IMMT: variants seen among roughly 807,000 people sequenced by gnomAD.
IMMT encodes the protein inner membrane mitochondrial protein, also known as MICOS complex subunit MIC60.
Under a neutral mutation model 92.7 loss-of-function variants are expected in IMMT, and 40 were observed. That is an observed-to-expected ratio of 0.43 (90% CI 0.34 to 0.56). IMMT has a LOEUF of 0.56. Among genes scored for constraint, IMMT ranks in the 20% least tolerant of loss-of-function variants. The pLI is 0.03. For synonymous variants in IMMT, 322 were observed against 336.1 expected (o/e 0.96, Z 0.46); for missense variants, 831 against 912.1 (o/e 0.91, Z 1.14).
intron 7 of IMMT, among the ~76,000 whole-genome samples, chr2:86,165,782 G>A (rs1313324887): frequency 6.6e-6 from 1 of 151,982 alleles, no homozygotes; most frequent in Non-Finnish European, 1.5e-5. Flanking sequence ...AAAATAGCAG[G>A]TGTTTCAGGG....
At position 86,158,730 on chromosome 2, in the gene IMMT, A is replaced by G; in HGVS notation, c.1033-9T>C. ...GACTGAGCTGCTTGGACCTGAGCAA[A>G]TACACAGGGTATGTGATTAAATTGA... On this transcript the variant is annotated splice_polypyrimidine_tract_variant and intron_variant, in intron 9 of 14. Transcript: ENST00000410111. The G allele has an allele frequency of 6.3e-7, 1 of 1,595,710 alleles. No individual in the cohort carries two copies.
At chr2:86,192,657 G>C (rs1231870812) in intron 1 of IMMT, among the ~76,000 whole-genome samples, 3 of 152,142 alleles carry the variant, frequency 2.0e-5, no homozygotes, top group Non-Finnish European at 4.4e-5. Context: ...GGTAGTGCTA[G>C]GAGCTACAAA....
Position 86,166,550 on chromosome 2 carries a change from A to G in IMMT, c.750T>C (p.Asn250=). ...AAQNAAVQAV[N]AHSNILKAAM... ...CGGCTTTCAATATGTTGGAGTGTGC[A>G]TTGACAGCCTGGACCGCAGCATTCT... Residue 250 remains asparagine, a synonymous_variant, in exon 7 of 15, where the codon AAT becomes AAC. Coordinates refer to ENST00000410111, the MANE Select transcript of IMMT (RefSeq NM_006839.3). 1 of 1,613,244 alleles carries G rather than the reference A, an allele frequency of 6.2e-7. No individual in the cohort carries two copies.
chr2:86,192,194 C>CT (rs2105730015), intron 1 of IMMT, among the ~76,000 whole-genome samples: 1 of 152,262 alleles, frequency 6.6e-6, no homozygotes, highest in East Asian at 1.9e-4. Flanking sequence ...GATCACACTG[C>CT]TGTACTCCAG....
intron 6 of IMMT, among the ~76,000 whole-genome samples, chr2:86,168,409 G>C (rs1336851314): frequency 6.6e-6 from 1 of 152,132 alleles, no homozygotes; most frequent in Non-Finnish European, 1.5e-5. Context: ...TATCACCTGA[G>C]GTCAGGAGTT....
At chr2:86,156,663 A>G (rs573166455) in intron 10 of IMMT, among the ~76,000 whole-genome samples, 1 of 152,152 alleles carries the variant, frequency 6.6e-6, no homozygotes, top group African/African-American at 2.4e-5. Flanking sequence ...AAAGTTAAAA[A>G]CCTGAGAGCT....
intron 1 of IMMT, among the ~76,000 whole-genome samples, chr2:86,187,024 T>G (rs1672823797): frequency 6.6e-6 from 1 of 152,170 alleles, no homozygotes; most frequent in Non-Finnish European, 1.5e-5. Flanking sequence ...GCAGGTATTT[T>G]TTTTTTCCTC....
rs2104956877 is a variant in IMMT, at chr2:86,161,958, A to C, written c.896+18T>G. 1 of 1,545,238 alleles carries C rather than the reference A, an allele frequency of 6.5e-7. No homozygotes were observed. The highest frequency in any genetic ancestry group is 1.2e-5 in the South Asian group (1 of 85,196). ...ACCAGGAGGCCCTAATTACTTGTTAAAGTCCATGAGTAATTACTTGGCTTT... is the reference window on the plus strand; with the variant it reads ...ACCAGGAGGCCCTAATTACTTGTTACAGTCCATGAGTAATTACTTGGCTTT... On this transcript the variant is annotated intron_variant, in intron 8 of 14. Transcript: ENST00000410111.
intron 12 of IMMT, among the ~76,000 whole-genome samples, chr2:86,148,535 C>T (rs573278614): frequency 3.0e-4 from 46 of 152,196 alleles, no homozygotes; most frequent in Admixed American, 1.2e-3. Context: ...TGGCGTGAAC[C>T]GAGGAGGCAG....
intron 6 of IMMT, among the ~76,000 whole-genome samples, chr2:86,168,191 C>G (rs1375693610): frequency 1.3e-5 from 2 of 152,212 alleles, no homozygotes; most frequent in African/African-American, 4.8e-5. Context: ...GTTCAAGAGG[C>G]TTCCATCTAT....
intron 1 of IMMT, among the ~76,000 whole-genome samples, chr2:86,182,766 G>C (rs1401675314): frequency 2.2e-5 from 1 of 45,400 alleles, no homozygotes; most frequent in Non-Finnish European, 6.2e-5. Flanking sequence ...AATCACTTGA[G>C]CTTGAGCCCC....
At position 86,192,866 on chromosome 2, in the gene IMMT, C is replaced by A. The variant is rs144396492; in HGVS notation, c.45+2472G>T. On this transcript the variant is annotated intron_variant, in intron 1 of 14. Transcript: ENST00000410111. ...TGATGAAAAGGCAGTGAGGCACATG[C>A]TGGAGATTACCAGGAGAATCTGAGT... Among the ~76,000 whole-genome samples the A allele has an allele frequency of 8.6e-4, 130 of 151,990 alleles. 1 individual carries two copies. The highest frequency in any genetic ancestry group is 1.4e-3 in the Non-Finnish European group (97 of 67,972).
intron 10 of IMMT, among the ~76,000 whole-genome samples, chr2:86,155,212 T>C (rs1344830012): frequency 2.0e-5 from 3 of 152,120 alleles, no homozygotes; most frequent in African/African-American, 7.2e-5. Context: ...CAAAGACAGG[T>C]ATTTTTCATC....
chr2:86,166,569 G>C lies in IMMT; in HGVS notation c.731C>G (p.Ala244Gly). ...GTGTGCATTGACAGCCTGGACCGCA[G>C]CATTCTGAGCTGCAATAGCCTGCAG... ...VTLQAIAAQN[A>G]AVQAVNAHSN... The change falls in exon 7 of 15, where the codon GCT becomes GGT. Residue 244 changes from alanine (A) to glycine (G), a missense_variant. Transcript: ENST00000410111. 6.2e-7 allele frequency: 1 copy of C among 1,613,318 alleles called. No homozygotes were observed. The highest frequency in any genetic ancestry group is 1.1e-5 in the South Asian group (1 of 91,060).
chr2:86,169,187 G>T (rs1676924116), intron 6 of IMMT, among the ~76,000 whole-genome samples: 1 of 152,148 alleles, frequency 6.6e-6, no homozygotes, highest in Admixed American at 6.5e-5. Flanking sequence ...AGAACAGCTG[G>T]AACAGCAGAC....
Position 86,144,655 on chromosome 2 carries a change from G to C in IMMT, c.1890C>G (p.Thr630=). The part of the protein sequence containing the change: ...SLTRGVYSEE[T]LRARFYAVQK... ...GAACAGCATAGAAACGGGCTCTAAG[G>C]GTCTCTTCACTGTACACCCCACGGG... The change falls in exon 15 of 15, where the codon ACC becomes ACG. Residue 630 remains threonine (T), a synonymous_variant. Coordinates refer to ENST00000410111, the MANE Select transcript of IMMT (RefSeq NM_006839.3). The C allele has an allele frequency of 6.2e-7, 1 of 1,613,924 alleles. No homozygotes were observed. Among genetic ancestry groups the C allele is most frequent in the Non-Finnish European group, 8.5e-7 (1 of 1,179,892 alleles).
Position 86,153,332 on chromosome 2 carries a change from C to CACAT in IMMT, c.1177+227_1177+228insATGT, listed in dbSNP as rs1553445609. The stretch of plus-strand genomic sequence containing the variant: ...ACACACACACACACACACACACACA[C>CACAT]ACACACACACTTCACATCTATAGGA... On this transcript the variant is annotated intron_variant, in intron 11 of 14. Coordinates refer to ENST00000410111, the MANE Select transcript of IMMT (RefSeq NM_006839.3). 2.6e-5 allele frequency among the ~76,000 whole-genome samples: 4 copies of CACAT among 152,048 alleles called. No homozygotes were observed. In the East Asian group the frequency reaches 7.8e-4, roughly 29 times the overall value.
At chr2:86,145,160 G>A (rs1386258573) in intron 14 of IMMT, among the ~76,000 whole-genome samples, 2 of 152,094 alleles carry the variant, frequency 1.3e-5, no homozygotes, top group Non-Finnish European at 2.9e-5. Flanking sequence ...ATTAGGCTAA[G>A]ACTTAACGCT....
chr2:86,178,332 GAAAA>G (rs58752645), intron 3 of IMMT, among the ~76,000 whole-genome samples: 1 of 87,854 alleles, frequency 1.1e-5, no homozygotes, highest in Non-Finnish European at 2.6e-5. Context: ...AAAAAAAAAA[GAAAA>G]AAAAAAACTG....
Sources: allele counts gnomAD v4.1 joint callset (sites outside exome capture counted in the v4.1 genomes callset), GRCh38; gene constraint gnomAD v4.1.1; transcripts MANE v1.5; gene names NCBI Gene and HGNC (gene_info 2026-07-23, HGNC 2026-07-21).